MARCHF7: variants seen among roughly 807,000 people sequenced by gnomAD.
MARCHF7 encodes the protein E3 ubiquitin-protein ligase MARCHF7.
Under a neutral mutation model 76.5 loss-of-function variants are expected in MARCHF7, and 20 were observed. That is an observed-to-expected ratio of 0.26 (90% CI 0.18 to 0.38). The LOEUF is 0.38. Among genes scored for constraint, MARCHF7 ranks in the 10% least tolerant of loss-of-function variants. The pLI is 1.00. For missense variants in MARCHF7, 797 were observed against 812.9 expected (o/e 0.98, Z 0.24); for synonymous variants, 295 against 293.0 (o/e 1.01, Z -0.07).
chr2:159,764,251 T>C (rs564841893), intron 10 of MARCHF7, among the ~76,000 whole-genome samples: 1,982 of 124,704 alleles, frequency 0.016, 22 homozygotes, highest in South Asian at 0.042. Flanking sequence ...TGTGTGTGTG[T>C]GTGTGCGCGC....
At chr2:159,730,755 C>G (rs533456813) in intron 4 of MARCHF7, among the ~76,000 whole-genome samples, 2 of 152,136 alleles carry the variant, frequency 1.3e-5, no homozygotes, top group East Asian at 3.9e-4. Flanking sequence ...TCATTTTTGT[C>G]TAATTTTAAA....
At chr2:159,725,509 C>T (rs4665109) in intron 3 of MARCHF7, among the ~76,000 whole-genome samples, 38,409 of 151,900 alleles carry the variant, frequency 0.25, 6,220 homozygotes, top group Admixed American at 0.43. Context: ...TCATATCCTT[C>T]GCCCACTTTT....
chr2:159,744,361 G>A (rs930162644), intron 5 of MARCHF7, among the ~76,000 whole-genome samples: 1 of 152,180 alleles, frequency 6.6e-6, no homozygotes, highest in African/African-American at 2.4e-5. Flanking sequence ...CATTGGGCAA[G>A]ATACTAACCA....
chr2:159,732,190 T>G (rs1200698569), intron 4 of MARCHF7, among the ~76,000 whole-genome samples: 1 of 152,190 alleles, frequency 6.6e-6, no homozygotes, highest in African/African-American at 2.4e-5. Context: ...ATGGTTGTAG[T>G]AACATATTAG....
Position 159,748,880 on chromosome 2 carries a change from A to G in MARCHF7, c.1590A>G (p.Glu530=). Residue 530 remains glutamate (E), a synonymous_variant, in exon 7 of 12, where the codon GAA becomes GAG. Transcript: ENST00000409175. ...KTKSAPSRDP[E]RLQKIKESLL... is the part of the protein sequence containing the mutation. Reference sequence around the variant, plus strand: ...AAAGTGCGCCTTCAAGAGATCCAGAAAGATTGCAGAAAATAAAAGAGAGGT... The same window carrying G: ...AAAGTGCGCCTTCAAGAGATCCAGAGAGATTGCAGAAAATAAAAGAGAGGT... The G allele has an allele frequency of 1.9e-6, 3 of 1,607,054 alleles. No homozygotes were observed. The highest frequency in any genetic ancestry group is 2.5e-6 in the Non-Finnish European group (3 of 1,177,056).
chr2:159,768,606 G>A lies in MARCHF7; in HGVS notation c.*1264G>A. On this transcript the variant is annotated 3_prime_UTR_variant, in exon 12 of 12. Transcript: ENST00000409175. The stretch of plus-strand genomic sequence containing the variant: ...GTTTGAAATGTTTCCTTTTAAACTG[G>A]TGCTCAAAGAAGACATCAGACTTCA... 1 of 152,600 alleles carries A rather than the reference G, an allele frequency of 6.6e-6. No individual in the cohort carries two copies. Among genetic ancestry groups the A allele is most frequent in the Middle Eastern group, 3.4e-3 (1 of 294 alleles). The allele number at this position is 152,600 out of a possible 1,614,324, so 9.5% of individuals were successfully genotyped here. A position where few individuals can be genotyped will look rare whatever the true frequency, so the allele number is the denominator to read the frequency against.
chr2:159,764,360 G>C (rs1707508958), intron 10 of MARCHF7, among the ~76,000 whole-genome samples: 1 of 151,502 alleles, frequency 6.6e-6, no homozygotes, highest in African/African-American at 2.4e-5. Flanking sequence ...GTGTTTATAA[G>C]AAGACAATAT....
chr2:159,721,154 C>G (rs1412632780), intron 3 of MARCHF7, among the ~76,000 whole-genome samples: 4 of 152,082 alleles, frequency 2.6e-5, no homozygotes, highest in African/African-American at 9.7e-5. Flanking sequence ...CATGAGCCAC[C>G]ACACTGGGCC....
intron 6 of MARCHF7, 21 bp downstream of exon 6, chr2:159,745,958 GTA>G (rs750607853): frequency 2.7e-5 from 43 of 1,588,482 alleles, no homozygotes; most frequent in Non-Finnish European, 3.7e-5. Flanking sequence ...ATTACATCAA[GTA>G]TAACTTCTCA....
chr2:159,754,198 C>T (rs966337143), intron 8 of MARCHF7, among the ~76,000 whole-genome samples: 1 of 151,836 alleles, frequency 6.6e-6, no homozygotes, highest in African/African-American at 2.4e-5. Context: ...AGAAATAGGC[C>T]CAGGACAGAG....
intron 7 of MARCHF7, among the ~76,000 whole-genome samples, chr2:159,749,349 T>TTTGTTG (rs1553783667): frequency 6.6e-6 from 1 of 151,368 alleles, no homozygotes; most frequent in Non-Finnish European, 1.5e-5. Context: ...TTTGTTTTTT[T>TTTGTTG]TTGTTGTTGT....
Position 159,756,359 on chromosome 2 carries a change from G to A in MARCHF7, c.1784-2867G>A, listed in dbSNP as rs141297446. Among the ~76,000 whole-genome samples the A allele has an allele frequency of 1.3e-3, 192 of 152,192 alleles. 1 individual carries two copies. The highest frequency in any genetic ancestry group is 2.4e-3 in the Non-Finnish European group (162 of 68,000). On this transcript the variant is annotated intron_variant, in intron 8 of 11. Transcript: ENST00000409175. ...TTTCTTAACATTGGTTCTAAACCCTGGCTGCTGATGAGAATCACCCACTGG... is the reference window on the plus strand; with the variant it reads ...TTTCTTAACATTGGTTCTAAACCCTAGCTGCTGATGAGAATCACCCACTGG...
Position 159,768,590 on chromosome 2 carries a change from G to A in MARCHF7, c.*1248G>A, listed in dbSNP as rs1412703071. 1 of 152,516 alleles carries A rather than the reference G, an allele frequency of 6.6e-6. No individual in the cohort carries two copies. The highest frequency in any genetic ancestry group is 2.4e-5 in the African/African-American group (1 of 41,436). The allele number at this position is 152,516 out of a possible 1,614,324, so 9.4% of individuals were successfully genotyped here. A position where few individuals can be genotyped will look rare whatever the true frequency, so the allele number is the denominator to read the frequency against. The stretch of plus-strand genomic sequence containing the variant: ...ACTGATTTATTTTACTGTTTGAAAT[G>A]TTTCCTTTTAAACTGGTGCTCAAAG... On this transcript the variant is annotated 3_prime_UTR_variant, in exon 12 of 12. Transcript: ENST00000409175.
rs1574367499 is a variant in MARCHF7, at chr2:159,747,903, T to C, written c.613T>C (p.Leu205=). The stretch of plus-strand genomic sequence containing the variant: ...GAATACATCATCCACAAACCACCAA[T>C]TGCCTTCTGAACATCAGACCATACT... The part of the protein sequence containing the change: ...QLNTSSTNHQ[L]PSEHQTILSS... The change falls in exon 7 of 12, where the codon TTG becomes CTG. Residue 205 remains leucine, a synonymous_variant. Coordinates refer to ENST00000409175, the MANE Select transcript of MARCHF7 (RefSeq NM_001282805.2). 6.2e-7 allele frequency: 1 copy of C among 1,614,102 alleles called. No individual in the cohort carries two copies. The highest frequency in any genetic ancestry group is 1.1e-5 in the South Asian group (1 of 91,080).
intron 3 of MARCHF7, among the ~76,000 whole-genome samples, chr2:159,719,055 A>T (rs1701340121): frequency 6.6e-6 from 1 of 152,024 alleles, no homozygotes; most frequent in South Asian, 2.1e-4. Context: ...GCTCACCACA[A>T]CCTTCACCTC....
At chr2:159,720,866 G>T (rs931683865) in intron 3 of MARCHF7, among the ~76,000 whole-genome samples, 2 of 151,968 alleles carry the variant, frequency 1.3e-5, no homozygotes, top group South Asian at 4.1e-4. Context: ...AACTCTTTCC[G>T]CAACCGCTCA....
At position 159,743,210 on chromosome 2, in the gene MARCHF7, C is replaced by T; in HGVS notation, c.303C>T (p.Thr101=). The change falls in exon 5 of 12, where the codon ACC becomes ACT. Residue 101 remains threonine (T), a synonymous_variant. Coordinates refer to ENST00000409175, the MANE Select transcript of MARCHF7 (RefSeq NM_001282805.2). ...RPKLSCTNCT[T]SAGRNVGNGL... is the part of the protein sequence containing the mutation. ...AACTTTCCTGTACAAACTGTACTAC[C>T]TCAGCTGGGAGAAATGTTGGAAATG... is the stretch of plus-strand genomic sequence containing the variant. 6.2e-7 allele frequency: 1 copy of T among 1,614,068 alleles called. No homozygotes were observed. The highest frequency in any genetic ancestry group is 8.5e-7 in the Non-Finnish European group (1 of 1,179,990).
At position 159,743,502 on chromosome 2, in the gene MARCHF7, A is replaced by G. The variant is rs149413046; in HGVS notation, c.346+249A>G. ...TAATTAGAATAGCTGGTATTTTATG[A>G]TAATCAAATTGGTAAATGTATGTAT... On this transcript the variant is annotated intron_variant, in intron 5 of 11. Coordinates refer to ENST00000409175, the MANE Select transcript of MARCHF7 (RefSeq NM_001282805.2). Among the ~76,000 whole-genome samples the G allele has an allele frequency of 1.5e-3, 225 of 152,346 alleles. 1 individual carries two copies. Among genetic ancestry groups the G allele is most frequent in the African/African-American group, 5.1e-3 (213 of 41,590 alleles).
chr2:159,743,690 A>G (rs1240615106), intron 5 of MARCHF7, among the ~76,000 whole-genome samples: 1 of 151,956 alleles, frequency 6.6e-6, no homozygotes, highest in Non-Finnish European at 1.5e-5. Context: ...GCTTGAGGCC[A>G]GGAGTTTAAG....
Sources: allele counts gnomAD v4.1 joint callset (sites outside exome capture counted in the v4.1 genomes callset), GRCh38; gene constraint gnomAD v4.1.1; transcripts MANE v1.5; gene names NCBI Gene and HGNC (gene_info 2026-07-23, HGNC 2026-07-21).